The following ASTN2 variants were observed in gnomAD, a reference collection of about 807,000 sequenced individuals.
ASTN2 encodes astrotactin 2, also known as astrotactin-2.
ASTN2 carries 54 observed loss-of-function variants against 139.8 expected under a neutral mutation model. That is an observed-to-expected ratio of 0.39 (90% confidence interval 0.31 to 0.48). The LOEUF is 0.48. Among genes scored for constraint, ASTN2 ranks in the 20% least tolerant of loss-of-function variants. ASTN2 has a pLI of 0.95. For synonymous variants in ASTN2, 756 were observed against 719.5 expected (o/e 1.05, Z -0.81); for missense variants, 1,565 against 1,725.1 (o/e 0.91, Z 1.64).
intron 10 of ASTN2, among the ~76,000 whole-genome samples, chr9:116,924,923 G>A (rs1029931885): frequency 2.0e-5 from 3 of 152,030 alleles, no homozygotes; most frequent in Non-Finnish European, 4.4e-5. Flanking sequence ...GCCCAGCCCC[G>A]ACTCAAGATG....
intron 13 of ASTN2, among the ~76,000 whole-genome samples, chr9:116,768,085 T>G (rs972271900): frequency 6.6e-6 from 1 of 152,128 alleles, no homozygotes; most frequent in Non-Finnish European, 1.5e-5. Flanking sequence ...AGTAGGGAAG[T>G]CATACAAGTA....
At chr9:116,853,348 AT>A (rs1164090506) in intron 11 of ASTN2, among the ~76,000 whole-genome samples, 1 of 152,210 alleles carries the variant, frequency 6.6e-6, no homozygotes, top group Non-Finnish European at 1.5e-5. Context: ...AAATTCTATT[AT>A]TATAATTAAG....
chr9:116,794,281 AGAGATGGGATTTCTCCAT>A (rs1287586908), intron 13 of ASTN2, among the ~76,000 whole-genome samples: 294 of 151,996 alleles, frequency 1.9e-3, no homozygotes, highest in African/African-American at 6.7e-3. Flanking sequence ...TATTTTTAGT[AGAGATGGGATTTCTCCAT>A]GTTGGTCAGG....
chr9:116,512,726 T>C (rs1293506712), intron 19 of ASTN2, among the ~76,000 whole-genome samples: 1 of 152,242 alleles, frequency 6.6e-6, no homozygotes, highest in Non-Finnish European at 1.5e-5. Context: ...TTAGCTCTTC[T>C]TGCTGAATTG....
chr9:117,146,473 G>A (rs376797087), intron 3 of ASTN2, among the ~76,000 whole-genome samples: 1,203 of 77,692 alleles, frequency 0.015, 16 homozygotes, highest in African/African-American at 0.051. Flanking sequence ...TGGAAGAGGA[G>A]AGAAAAAAAA....
chr9:117,345,487 A>G (rs898079642), intron 1 of ASTN2, among the ~76,000 whole-genome samples: 1 of 152,198 alleles, frequency 6.6e-6, no homozygotes, highest in Non-Finnish European at 1.5e-5. Context: ...TCCTGCAATG[A>G]TAGATAAGGA....
intron 19 of ASTN2, among the ~76,000 whole-genome samples, chr9:116,608,173 A>G (rs1273381038): frequency 2.0e-5 from 3 of 152,192 alleles, no homozygotes; most frequent in Non-Finnish European, 4.4e-5. Context: ...GGGAAACCAA[A>G]GTGATTACAC....
chr9:116,619,055 C>T (rs960373663), intron 18 of ASTN2, among the ~76,000 whole-genome samples: 1 of 151,994 alleles, frequency 6.6e-6, no homozygotes, highest in Non-Finnish European at 1.5e-5. Context: ...AAAAAGGAAA[C>T]AGTTTGCACA....
chr9:116,920,419 T>C (rs1188389891), intron 10 of ASTN2, among the ~76,000 whole-genome samples: 3 of 152,120 alleles, frequency 2.0e-5, no homozygotes, highest in Admixed American at 6.5e-5. Flanking sequence ...AATGGAAAGA[T>C]AGAAATAAAA....
chr9:117,146,946 G>A (rs1240289938), intron 3 of ASTN2, among the ~76,000 whole-genome samples: 1 of 152,092 alleles, frequency 6.6e-6, no homozygotes, highest in Non-Finnish European at 1.5e-5. Flanking sequence ...TTGAGGTGAT[G>A]GATATGCTAA....
chr9:117,299,314 C>G (rs1441226529), intron 1 of ASTN2, among the ~76,000 whole-genome samples: 2 of 152,202 alleles, frequency 1.3e-5, no homozygotes, highest in Non-Finnish European at 2.9e-5. Flanking sequence ...CAACCAACCT[C>G]TTCTGAGAGC....
chr9:117,244,022 G>A (rs1275306003), intron 2 of ASTN2, among the ~76,000 whole-genome samples: 1 of 152,098 alleles, frequency 6.6e-6, no homozygotes, highest in Non-Finnish European at 1.5e-5. Flanking sequence ...ACTATCATGA[G>A]CTGTTCTCAT....
intron 13 of ASTN2, among the ~76,000 whole-genome samples, chr9:116,744,848 TA>T (rs1829191505): frequency 6.6e-6 from 1 of 152,194 alleles, no homozygotes; most frequent in Non-Finnish European, 1.5e-5. Flanking sequence ...CTGCCTCTGC[TA>T]GCTGTCAGTC....
intron 19 of ASTN2, among the ~76,000 whole-genome samples, chr9:116,543,274 C>A (rs556593896): frequency 2.1e-4 from 31 of 145,214 alleles, no homozygotes; most frequent in African/African-American, 2.8e-4. Context: ...ATGAAAACTA[C>A]AAAAAAAAAA....
At chr9:117,089,167 G>A (rs1828640700) in intron 5 of ASTN2, among the ~76,000 whole-genome samples, 1 of 152,192 alleles carries the variant, frequency 6.6e-6, no homozygotes, top group Non-Finnish European at 1.5e-5. Context: ...GCTCAGTCTT[G>A]ATGACATATG....
At chr9:117,254,947 C>T (rs1833644063) in intron 2 of ASTN2, among the ~76,000 whole-genome samples, 3 of 152,206 alleles carry the variant, frequency 2.0e-5, no homozygotes, top group Non-Finnish European at 1.5e-5. Context: ...TTGTTTCAAC[C>T]CATCTTTCAA....
intron 1 of ASTN2, among the ~76,000 whole-genome samples, chr9:117,384,112 C>T (rs761560371): frequency 1.3e-5 from 2 of 152,106 alleles, no homozygotes; most frequent in Non-Finnish European, 2.9e-5. Flanking sequence ...CAAATATGGG[C>T]GGTGGGACTG....
chr9:117,131,373 T>C (rs961084542), intron 4 of ASTN2, among the ~76,000 whole-genome samples: 1 of 152,190 alleles, frequency 6.6e-6, no homozygotes, highest in Admixed American at 6.5e-5. Flanking sequence ...AGACACCGAA[T>C]TCCAACCTGA....
intron 10 of ASTN2, among the ~76,000 whole-genome samples, chr9:116,963,199 A>G (rs1835918038): frequency 6.6e-6 from 1 of 152,194 alleles, no homozygotes; most frequent in Non-Finnish European, 1.5e-5. Flanking sequence ...GCACATTCTC[A>G]AAAGGATGCT....
Sources: gnomAD v4.1 joint callset for allele counts (sites outside exome capture counted in the v4.1 genomes callset) on GRCh38, gnomAD v4.1.1 for gene constraint, MANE v1.5 for transcripts, NCBI Gene and HGNC (gene_info 2026-07-23, HGNC 2026-07-21) for gene names.